The following FAT3 variants were observed in gnomAD, a reference collection of about 807,000 sequenced individuals.
FAT3 encodes the protein protocadherin Fat 3.
Under a neutral mutation model 310.2 loss-of-function variants are expected in FAT3, and 95 were observed. The observed-to-expected ratio is 0.31, with a 90% confidence interval of 0.26 to 0.36. FAT3 has a LOEUF of 0.36. FAT3 is among the 10% of genes least tolerant of loss of function. The probability of loss-of-function intolerance (pLI) is 1.00; values close to 1 mark genes in which losing one functional copy is unlikely to be tolerated. For synonymous variants in FAT3, 2,314 were observed against 2,192.9 expected (o/e 1.06, Z -1.54); for missense variants, 5,408 against 5,715.6 (o/e 0.95, Z 1.74).
At chr11:92,274,410 A>C (rs1220545651) in intron 1 of FAT3, among the ~76,000 whole-genome samples, 3 of 152,088 alleles carry the variant, frequency 2.0e-5, no homozygotes, top group Non-Finnish European at 4.4e-5. Context: ...GTTTTCTAAG[A>C]AATTAAATAG....
Position 92,882,939 on chromosome 11 carries a change from C to T in FAT3, c.12483C>T (p.Val4161=), listed in dbSNP as rs2136411166. 6.2e-7 allele frequency: 1 copy of T among 1,613,452 alleles called. No homozygotes were observed. Among genetic ancestry groups the T allele is most frequent in the Non-Finnish European group, 8.5e-7 (1 of 1,179,706 alleles). The change falls in exon 24 of 28, where the codon GTC becomes GTT. Residue 4161 remains valine (V), a synonymous_variant. Coordinates refer to ENST00000525166, the MANE Select transcript of FAT3 (RefSeq NM_001367949.2). ...GKEELIGIAV[V]LFVIFILVVL... is the part of the protein sequence containing the mutation. ...AGGAGCTCATCGGCATCGCCGTGGT[C>T]CTCTTCGTCATCTTCATCCTGGTGG...
At chr11:92,364,664 CGACA>C (rs1200619665) in intron 2 of FAT3, among the ~76,000 whole-genome samples, 1 of 152,112 alleles carries the variant, frequency 6.6e-6, no homozygotes, top group African/African-American at 2.4e-5. Flanking sequence ...CATGTCTTAT[CGACA>C]GACAGAATCT....
intron 7 of FAT3, among the ~76,000 whole-genome samples, chr11:92,778,060 T>C (rs1407102216): frequency 6.6e-6 from 1 of 152,060 alleles, no homozygotes; most frequent in South Asian, 2.1e-4. Flanking sequence ...CTGGATACTT[T>C]CTGACTTATC....
In FAT3 at chr11:92,806,383, C is replaced by T. The variant is rs1047455473; in HGVS notation, c.9115C>T (p.Pro3039Ser). ...CDQVAYTALL[P>S]EDIPSNKIIL... The stretch of plus-strand genomic sequence containing the variant: ...CCAGGTTGCATATACAGCATTACTT[C>T]CTGAAGACATTCCATCAAATAAAAT... Residue 3039 changes from proline to serine, a missense_variant, in exon 12 of 28, where the codon CCT becomes TCT. Around this residue, in one of 5 missense-constraint regions of FAT3, gnomAD observed 4,588 missense variants for 4,809.8 expected, o/e 0.95. Transcript: ENST00000525166. The T allele has an allele frequency of 1.2e-6, 2 of 1,600,090 alleles. No homozygotes were observed. Among genetic ancestry groups the T allele is most frequent in the South Asian group, 1.1e-5 (1 of 88,142 alleles).
At chr11:92,811,299 G>A (rs539530010) in intron 13 of FAT3, among the ~76,000 whole-genome samples, 3 of 152,256 alleles carry the variant, frequency 2.0e-5, no homozygotes, top group Non-Finnish European at 4.4e-5. Flanking sequence ...TAATGGAAAT[G>A]AATCACTTAA....
rs773899481 is a variant in FAT3, at chr11:92,810,060, C to T, written c.9465C>T (p.Ala3155=). 1.5e-5 allele frequency: 24 copies of T among 1,613,696 alleles called. No homozygotes were observed. The Admixed American group carries it at 2.7e-4, about 18-fold the overall frequency. The change falls in exon 13 of 28, where the codon GCC becomes GCT. Residue 3155 remains alanine (A), a synonymous_variant. Coordinates refer to ENST00000525166, the MANE Select transcript of FAT3 (RefSeq NM_001367949.2). ...AGGCTCTGTTGACCAGAGTTCAAGC[C>T]GTGGACCCCGACATTGGTAAGTCAG... ...ATKALLTRVQ[A]VDPDIGINRK...
At position 92,520,649 on chromosome 11, in the gene FAT3, A is replaced by G. The variant is rs528900059; in HGVS notation, c.3293-3985A>G. On this transcript the variant is annotated intron_variant, in intron 2 of 27. Transcript: ENST00000525166. ...ATTCTTAGCTGTGACTATGTTGACT[A>G]TCATTAGCTATAAGAGGATAGGTAT... Among the ~76,000 whole-genome samples the G allele has an allele frequency of 3.9e-5, 6 of 152,200 alleles. No individual in the cohort carries two copies. The South Asian group carries it at 1.2e-3, about 32-fold the overall frequency.
intron 1 of FAT3, among the ~76,000 whole-genome samples, chr11:92,337,145 A>G (rs1348627694): frequency 1.3e-5 from 2 of 152,184 alleles, no homozygotes; most frequent in Non-Finnish European, 2.9e-5. Flanking sequence ...AGATCTTGCA[A>G]CCTGGTAAGA....
Position 92,352,118 on chromosome 11 carries a change from T to G in FAT3, c.6T>G (p.Asp2Glu). The G allele has an allele frequency of 2.2e-6, 3 of 1,338,090 alleles. No homozygotes were observed. The highest frequency in any genetic ancestry group is 3.0e-6 in the Non-Finnish European group (3 of 1,006,090). 82.9% of individuals were successfully genotyped at this position (1,338,090 alleles called of 1,614,324 possible). A position where few individuals can be genotyped will look rare whatever the true frequency, so the allele number is the denominator to read the frequency against. Reference sequence around the variant, plus strand: ...CAGGATGGAAGTATGATGTGATGGATATAATTATGGGACACTGTGTGGGCA... The same window carrying G: ...CAGGATGGAAGTATGATGTGATGGAGATAATTATGGGACACTGTGTGGGCA... M[D>E]IIMGHCVGTR... Residue 2 changes from aspartate (D) to glutamate (E), a missense_variant, in exon 2 of 28, where the codon GAT (aspartate) becomes GAG (glutamate). Around this residue, in one of 5 missense-constraint regions of FAT3, gnomAD observed 152 missense variants for 188.3 expected, o/e 0.81. Transcript: ENST00000525166.
rs1467005475 is a variant in FAT3, at chr11:92,799,746, C to T, written c.6733C>T (p.Pro2245Ser). ...CACTGGGGTCCTGAAAGTTGTTAGC[C>T]CTTTGGATTATGAAGTTACATCTGC... ...FDTGVLKVVS[P>S]LDYEVTSAYK... The change falls in exon 10 of 28, where the codon CCT becomes TCT. Residue 2245 changes from proline to serine, a missense_variant. Coordinates refer to ENST00000525166, the MANE Select transcript of FAT3 (RefSeq NM_001367949.2). 6.2e-7 allele frequency: 1 copy of T among 1,612,578 alleles called. No homozygotes were observed. The highest frequency in any genetic ancestry group is 2.2e-5 in the East Asian group (1 of 44,810).
chr11:92,378,486 A>G (rs1438229146), intron 2 of FAT3, among the ~76,000 whole-genome samples: 1 of 152,120 alleles, frequency 6.6e-6, no homozygotes, highest in Non-Finnish European at 1.5e-5. Context: ...CCCCAGTTGG[A>G]AATGTAGGTT....
At position 92,406,515 on chromosome 11, in the gene FAT3, T is replaced by C. The variant is rs1950139745; in HGVS notation, c.3292+51111T>C. On this transcript the variant is annotated intron_variant, in intron 2 of 27. Coordinates refer to ENST00000525166, the MANE Select transcript of FAT3 (RefSeq NM_001367949.2). ...GTGTTCCTTTCTTAAATAAATGCCT[T>C]AGTGCCTCCTAAACTGGAGTAACCA... 3 of 152,190 alleles carry C rather than the reference T, an allele frequency of 2.0e-5. No individual in the cohort carries two copies. In the South Asian group the frequency reaches 6.2e-4, roughly 32 times the overall value. 9.4% of individuals were successfully genotyped at this position (152,190 alleles called of 1,614,324 possible). A position where few individuals can be genotyped will look rare whatever the true frequency, so the allele number is the denominator to read the frequency against.
At chr11:92,445,158 A>G (rs1419618537) in intron 2 of FAT3, among the ~76,000 whole-genome samples, 2 of 152,204 alleles carry the variant, frequency 1.3e-5, no homozygotes, top group African/African-American at 4.8e-5. Context: ...AAAATAAAAT[A>G]CGTTATTTAA....
chr11:92,234,709 C>T (rs181317124), intron 1 of FAT3, among the ~76,000 whole-genome samples: 1 of 152,180 alleles, frequency 6.6e-6, no homozygotes, highest in East Asian at 1.9e-4. Context: ...CAAGATCAGC[C>T]TGACCAACAT....
intron 2 of FAT3, among the ~76,000 whole-genome samples, chr11:92,414,782 G>A (rs1194440682): frequency 1.3e-5 from 2 of 152,030 alleles, no homozygotes; most frequent in Non-Finnish European, 2.9e-5. Flanking sequence ...AGGCTGAGGC[G>A]GGCGGATCAC....
At chr11:92,543,924 TTC>T (rs772758579) in intron 3 of FAT3, among the ~76,000 whole-genome samples, 1 of 152,196 alleles carries the variant, frequency 6.6e-6, no homozygotes, top group Non-Finnish European at 1.5e-5. Flanking sequence ...CTGACTTATG[TTC>T]TGTTTTTGCA....
At chr11:92,505,316 A>G (rs1953066504) in intron 2 of FAT3, among the ~76,000 whole-genome samples, 1 of 152,114 alleles carries the variant, frequency 6.6e-6, no homozygotes, top group African/African-American at 2.4e-5. Flanking sequence ...TGCTGCTTCC[A>G]CAACTGTTGT....
chr11:92,630,830 G>T (rs1199692131), intron 3 of FAT3, among the ~76,000 whole-genome samples: 1 of 152,148 alleles, frequency 6.6e-6, no homozygotes, highest in Non-Finnish European at 1.5e-5. Context: ...TTAACTCCAT[G>T]AATTTAGAAA....
At chr11:92,713,375 T>C (rs1944583759) in intron 4 of FAT3, among the ~76,000 whole-genome samples, 1 of 152,254 alleles carries the variant, frequency 6.6e-6, no homozygotes, top group Non-Finnish European at 1.5e-5. Context: ...CTTTCAAAGT[T>C]GTCAGAACAC....
Sources: gnomAD v4.1 joint callset for allele counts (sites outside exome capture counted in the v4.1 genomes callset) on GRCh38, gnomAD v4.1.1 for gene constraint, gnomAD v4.1.1 regional missense constraint, MANE v1.5 for transcripts, NCBI Gene and HGNC (gene_info 2026-07-23, HGNC 2026-07-21) for gene names.